The following CPEB1 variants were observed in gnomAD, a reference collection of about 807,000 sequenced individuals.
The protein encoded by CPEB1 is cytoplasmic polyadenylation element-binding protein 1.
A neutral mutation model predicts 65.8 loss-of-function variants in CPEB1; 7 were observed. The observed-to-expected ratio is 0.11, with a 90% CI of 0.06 to 0.20. CPEB1 has a LOEUF of 0.20. CPEB1 is among the 10% of genes least tolerant of loss of function. CPEB1 has a pLI of 1.00. For synonymous variants in CPEB1, 262 were observed against 260.0 expected, an observed-to-expected ratio of 1.01 and a Z score of -0.08; for missense variants, 551 against 712.2, an observed-to-expected ratio of 0.77 and a Z score of 2.58.
chr15:82,574,778 G>T (rs1275946681), intron 3 of CPEB1, among the ~76,000 whole-genome samples: 1 of 131,408 alleles, frequency 7.6e-6, no homozygotes, highest in Non-Finnish European at 1.6e-5. Flanking sequence ...TGTACTGGAA[G>T]ACTCAACAGC....
chr15:82,551,548 C>T (rs1002558274), intron 9 of CPEB1, among the ~76,000 whole-genome samples: 3 of 152,178 alleles, frequency 2.0e-5, no homozygotes, highest in African/African-American at 7.2e-5. Context: ...ATCCTCTGTG[C>T]TATGTCTCTT....
At chr15:82,551,505 C>T (rs1238657740) in intron 9 of CPEB1, among the ~76,000 whole-genome samples, 4 of 152,116 alleles carry the variant, frequency 2.6e-5, no homozygotes, top group Non-Finnish European at 5.9e-5. Flanking sequence ...GACATGTATC[C>T]ACCATATACA....
intron 9 of CPEB1, among the ~76,000 whole-genome samples, chr15:82,551,573 A>G (rs1178548320): frequency 3.9e-5 from 6 of 152,216 alleles, no homozygotes; most frequent in Non-Finnish European, 7.3e-5. Flanking sequence ...CCTTCCTGCT[A>G]AACCCCTGGC....
At chr15:82,637,829 A>G (rs2046786392) in intron 1 of CPEB1, among the ~76,000 whole-genome samples, 1 of 152,170 alleles carries the variant, frequency 6.6e-6, no homozygotes, top group Non-Finnish European at 1.5e-5. Context: ...TACTGAGGTA[A>G]TTTTAAGTAC....
At chr15:82,636,871 T>C (rs1045036872) in intron 1 of CPEB1, among the ~76,000 whole-genome samples, 14 of 152,176 alleles carry the variant, frequency 9.2e-5, no homozygotes, top group Non-Finnish European at 1.6e-4. Context: ...TTTAGATACA[T>C]CAAGAGAAAT....
intron 3 of CPEB1, among the ~76,000 whole-genome samples, chr15:82,586,162 G>A (rs1431400999): frequency 6.6e-6 from 1 of 150,728 alleles, no homozygotes; most frequent in Non-Finnish European, 1.5e-5. Context: ...CCTTGGGTAA[G>A]TATGCCTTTC....
chr15:82,543,648 CT>C lies in CPEB1; in HGVS notation c.*943del, dbSNP rs1294638665. ...CATCTGCCCCCACCGAAAAGCAGCC[CT>C]TTTTAGCTCAGTTACAAAAGAAAAA... On this transcript the variant is annotated 3_prime_UTR_variant, in exon 13 of 13. Coordinates refer to ENST00000684509, the MANE Select transcript of CPEB1 (RefSeq NM_001365242.1). The C allele has an allele frequency of 5.0e-3, 757 of 152,226 alleles. 5 individuals carry two copies. Among genetic ancestry groups the C allele is most frequent in the Non-Finnish European group, 6.8e-3 (461 of 67,956 alleles). 9.4% of individuals were successfully genotyped at this position (152,226 alleles called of 1,614,324 possible).
intron 1 of CPEB1, chr15:82,640,907 A>AGG (rs2047053695): frequency 8.6e-5 from 13 of 151,672 alleles, no homozygotes; most frequent in East Asian, 1.9e-4. Flanking sequence ...AGATAAGGAA[A>AGG]AAAAAAAAAA....
chr15:82,546,210 A>T (rs1051099850), intron 12 of CPEB1, among the ~76,000 whole-genome samples: 2 of 152,228 alleles, frequency 1.3e-5, no homozygotes, highest in East Asian at 3.9e-4. Context: ...CCTGGGTTCA[A>T]GCTATTCGCC....
At chr15:82,628,626 G>C (rs186571423) in intron 1 of CPEB1, 70 bp from the exon 2 acceptor site, 12 of 592,126 alleles carry the variant, frequency 2.0e-5, no homozygotes, top group Admixed American at 6.3e-5. Context: ...AAAGCAAAAA[G>C]TCAGACAGAA....
intron 4 of CPEB1, among the ~76,000 whole-genome samples, chr15:82,559,571 C>G (rs2150987376): frequency 6.6e-6 from 1 of 152,274 alleles, no homozygotes. Context: ...TCTAGCCAGT[C>G]TAATATGTAT....
chr15:82,623,113 A>T (rs1365013090), intron 3 of CPEB1, among the ~76,000 whole-genome samples: 1 of 152,206 alleles, frequency 6.6e-6, no homozygotes. Flanking sequence ...CAACAGAAAA[A>T]AAATAATCTA....
chr15:82,620,232 A>G (rs910672021), intron 3 of CPEB1, among the ~76,000 whole-genome samples: 1 of 151,946 alleles, frequency 6.6e-6, no homozygotes, highest in African/African-American at 2.4e-5. Context: ...TATGGTGAAT[A>G]TGGCCAGTAT....
rs548064767 is a variant in CPEB1, at chr15:82,574,779, A to T, written c.272-3247T>A. Among the ~76,000 whole-genome samples the T allele has an allele frequency of 2.7e-5, 4 of 150,544 alleles. No individual in the cohort carries two copies. In the East Asian group the frequency reaches 7.8e-4, roughly 29 times the overall value. On this transcript the variant is annotated intron_variant, in intron 3 of 12. Coordinates refer to ENST00000684509, the MANE Select transcript of CPEB1 (RefSeq NM_001365242.1). ...ATAAACCATGTTCATGTACTGGAAG[A>T]CTCAACAGCGCTAAAAAGTGATACC...
At chr15:82,646,034 C>T (rs1176697174) in intron 1 of CPEB1, among the ~76,000 whole-genome samples, 3 of 152,168 alleles carry the variant, frequency 2.0e-5, no homozygotes, top group Non-Finnish European at 4.4e-5. Context: ...CAGCCAGCAG[C>T]CCCATTGAGC....
intron 2 of CPEB1, 54 bp downstream of exon 2, chr15:82,628,310 G>C: frequency 1.4e-6 from 1 of 702,384 alleles, no homozygotes; most frequent in Non-Finnish European, 2.6e-6. Flanking sequence ...AAAAAAGGTT[G>C]GGAGTGAAGA....
intron 3 of CPEB1, among the ~76,000 whole-genome samples, chr15:82,601,994 A>C (rs1392616277): frequency 6.6e-6 from 1 of 152,244 alleles, no homozygotes; most frequent in Non-Finnish European, 1.5e-5. Context: ...CTGAAACATC[A>C]AATTAGTAAA....
intron 12 of CPEB1, 112 bp from the exon 13 acceptor site, chr15:82,544,814 C>A: frequency 2.6e-6 from 2 of 767,988 alleles, no homozygotes; most frequent in South Asian, 1.5e-5. Context: ...CTCCCGATGG[C>A]CTCTGTGGGT....
chr15:82,605,836 C>A (rs184847412), intron 3 of CPEB1, among the ~76,000 whole-genome samples: 2 of 150,476 alleles, frequency 1.3e-5, no homozygotes, highest in Non-Finnish European at 3.0e-5. Flanking sequence ...GTCGGGAGTT[C>A]GAGACCAGCC....
Sources: allele counts gnomAD v4.1 joint callset (sites outside exome capture counted in the v4.1 genomes callset), GRCh38; gene constraint gnomAD v4.1.1; transcripts MANE v1.5; gene names NCBI Gene and HGNC (gene_info 2026-07-23, HGNC 2026-07-21).